CERT1: variants seen among roughly 807,000 people sequenced by gnomAD.
The protein encoded by CERT1 is ceramide transfer protein.
A neutral mutation model predicts 87.9 loss-of-function variants in CERT1; 31 were observed. The observed-to-expected ratio is 0.35, with a 90% confidence interval of 0.27 to 0.48. CERT1 has a LOEUF of 0.48. Ranked by LOEUF, CERT1 falls within the 20% of genes least tolerant of loss-of-function variation. The pLI is 0.99. For missense variants in CERT1, 487 were observed against 758.0 expected (o/e 0.64, Z 4.20); for synonymous variants, 289 against 250.9 (o/e 1.15, Z -1.44).
chr5:75,433,327 C>T (rs1234648077), intron 3 of CERT1, among the ~76,000 whole-genome samples: 2 of 152,146 alleles, frequency 1.3e-5, no homozygotes, highest in East Asian at 1.9e-4. Flanking sequence ...TCCATAAGCA[C>T]GGAATGTTTT....
At chr5:75,443,099 T>C (rs778993910) in intron 3 of CERT1, among the ~76,000 whole-genome samples, 54 of 152,284 alleles carry the variant, frequency 3.5e-4, no homozygotes, top group South Asian at 1.9e-3. Flanking sequence ...GTAATTTGAA[T>C]GTTCTTTTTT....
At chr5:75,371,306 T>C (rs1289640598) in intron 17 of CERT1, 1 of 152,162 alleles carries the variant, frequency 6.6e-6, no homozygotes, top group Non-Finnish European at 1.5e-5. Flanking sequence ...AAAATCCAAA[T>C]ACATCGTCTG....
intron 1 of CERT1, among the ~76,000 whole-genome samples, chr5:75,510,752 A>C (rs1476300627): frequency 1.3e-5 from 2 of 152,098 alleles, no homozygotes; most frequent in Non-Finnish European, 2.9e-5. Flanking sequence ...CTCTTTTAAG[A>C]GGTCCGACTT....
chr5:75,487,029 A>T (rs2112412987), intron 2 of CERT1, among the ~76,000 whole-genome samples: 1 of 152,286 alleles, frequency 6.6e-6, no homozygotes, highest in African/African-American at 2.4e-5. Context: ...AGCCAAAGAT[A>T]TCCTAAGCAA....
intron 6 of CERT1, among the ~76,000 whole-genome samples, chr5:75,418,786 A>G (rs374160675): frequency 6.6e-6 from 1 of 152,214 alleles, no homozygotes; most frequent in Admixed American, 6.5e-5. Context: ...AAACTAATCT[A>G]TAGTGTCAGA....
intron 2 of CERT1, among the ~76,000 whole-genome samples, chr5:75,468,837 G>C (rs1237784271): frequency 1.3e-5 from 2 of 152,182 alleles, no homozygotes; most frequent in African/African-American, 4.8e-5. Context: ...GATAAAGCCA[G>C]ACTGCAAACA....
At chr5:75,486,432 G>A (rs1468502762) in intron 2 of CERT1, among the ~76,000 whole-genome samples, 1 of 151,958 alleles carries the variant, frequency 6.6e-6, no homozygotes, top group East Asian at 1.9e-4. Flanking sequence ...TGTAAGATCT[G>A]AAAGACAAAG....
intron 7 of CERT1, 119 bp from the exon 8 acceptor site, chr5:75,411,222 C>A: frequency 1.6e-6 from 1 of 608,406 alleles, no homozygotes; most frequent in Non-Finnish European, 2.9e-6. Context: ...CAAAAAAATT[C>A]CACTCCTGTG....
intron 10 of CERT1, 144 bp from the exon 11 acceptor site, chr5:75,399,531 T>A (rs1580716652): frequency 1.5e-6 from 1 of 660,720 alleles, no homozygotes; most frequent in Middle Eastern, 2.5e-4. Flanking sequence ...GCTGACTTCA[T>A]GCACCTATTA....
chr5:75,475,133 C>T (rs1765900919), intron 2 of CERT1, among the ~76,000 whole-genome samples: 1 of 152,096 alleles, frequency 6.6e-6, no homozygotes, highest in South Asian at 2.1e-4. Context: ...GAGAGACTCT[C>T]AAGTCTAACC....
intron 2 of CERT1, among the ~76,000 whole-genome samples, chr5:75,487,714 T>C (rs1314273493): frequency 6.6e-6 from 1 of 151,952 alleles, no homozygotes; most frequent in Non-Finnish European, 1.5e-5. Context: ...CAAGCACATA[T>C]GAGAAAAGGT....
intron 9 of CERT1, chr5:75,401,475 G>A (rs566972473): frequency 1.3e-5 from 2 of 152,196 alleles, no homozygotes; most frequent in African/African-American, 2.4e-5. Context: ...GTAAGACTGA[G>A]GTGTCTTGAC....
chr5:75,511,516 A>C lies in CERT1; in HGVS notation c.-309T>G. The C allele has an allele frequency of 6.8e-7, 1 of 1,472,804 alleles. No individual in the cohort carries two copies. Among genetic ancestry groups the C allele is most frequent in the South Asian group, 1.3e-5 (1 of 74,350 alleles). 91.2% of individuals were successfully genotyped at this position (1,472,804 alleles called of 1,614,324 possible). Reference sequence around the variant, plus strand: ...CCCGAACTTAGCCCCCTCGATGCCAATTTCAAATAGGGAAGGAAAAGGGAA... The same window carrying C: ...CCCGAACTTAGCCCCCTCGATGCCACTTTCAAATAGGGAAGGAAAAGGGAA... On this transcript the variant is annotated 5_prime_UTR_variant, in exon 1 of 17. Coordinates refer to ENST00000643780, the MANE Select transcript of CERT1 (RefSeq NM_001379029.1).
chr5:75,489,719 A>C (rs1766686457), intron 2 of CERT1, among the ~76,000 whole-genome samples: 1 of 152,244 alleles, frequency 6.6e-6, no homozygotes, highest in African/African-American at 2.4e-5. Context: ...GGAGATCATT[A>C]AAAAGTCAGG....
At chr5:75,431,972 GTTGT>G (rs1763886159) in intron 3 of CERT1, among the ~76,000 whole-genome samples, 1 of 151,848 alleles carries the variant, frequency 6.6e-6, no homozygotes, top group African/African-American at 2.4e-5. Context: ...TCTGTTTTAA[GTTGT>G]TTGAGAAATC....
chr5:75,389,721 A>T (rs781041547), intron 11 of CERT1, 34 bp from the exon 12 acceptor site: 2 of 1,491,974 alleles, frequency 1.3e-6, no homozygotes, highest in Admixed American at 1.7e-5. Context: ...TGAGAATCCA[A>T]AAGGTATGTC....
In CERT1 at chr5:75,511,489, C is replaced by T; in HGVS notation, c.-282G>A. ...ACCCCTGCGTTGCGCCCGGCGCTGC[C>T]ACCCGAACTTAGCCCCCTCGATGCC... is the stretch of plus-strand genomic sequence containing the variant. On this transcript the variant is annotated 5_prime_UTR_variant, in exon 1 of 17. Coordinates refer to ENST00000643780, the MANE Select transcript of CERT1 (RefSeq NM_001379029.1). 1.3e-6 allele frequency: 2 copies of T among 1,499,772 alleles called. No individual in the cohort carries two copies. The highest frequency in any genetic ancestry group is 1.8e-6 in the Non-Finnish European group (2 of 1,125,356). 92.9% of individuals were successfully genotyped at this position (1,499,772 alleles called of 1,614,324 possible).
intron 3 of CERT1, among the ~76,000 whole-genome samples, chr5:75,447,785 T>C (rs568927504): frequency 1.2e-3 from 187 of 152,076 alleles, no homozygotes; most frequent in Middle Eastern, 3.4e-3. Context: ...CCTTTTTTTT[T>C]TTGTTAAAGA....
At chr5:75,419,521 T>C in intron 5 of CERT1, 97 bp from the exon 6 acceptor site, 2 of 806,740 alleles carry the variant, frequency 2.5e-6, no homozygotes, top group Non-Finnish European at 4.1e-6. Flanking sequence ...GGATTCTGAT[T>C]CTGAGTATGA....
Sources: gnomAD v4.1 joint callset for allele counts (sites outside exome capture counted in the v4.1 genomes callset) on GRCh38, gnomAD v4.1.1 for gene constraint, MANE v1.5 for transcripts, NCBI Gene and HGNC (gene_info 2026-07-23, HGNC 2026-07-21) for gene names.